The following ASAP2 variants were observed in gnomAD, a reference collection of about 807,000 sequenced individuals.
ASAP2 encodes arf-GAP with SH3 domain, ANK repeat and PH domain-containing protein 2.
A neutral mutation model predicts 131.4 loss-of-function variants in ASAP2; 45 were observed. The observed-to-expected ratio is 0.34, with a 90% CI of 0.27 to 0.44. The LOEUF (loss-of-function observed/expected upper bound fraction) is 0.44, where lower values mean the gene tolerates loss of function less well. ASAP2 is among the 20% of genes least tolerant of loss of function. The probability of loss-of-function intolerance (pLI) is 1.00; values close to 1 mark genes in which losing one functional copy is unlikely to be tolerated. For missense variants in ASAP2, 1,011 were observed against 1,297.0 expected, an observed-to-expected ratio of 0.78 and a Z score of 3.39; for synonymous variants, 510 against 503.0, an observed-to-expected ratio of 1.01 and a Z score of -0.19.
At chr2:9,237,320 C>T (rs932334323) in intron 1 of ASAP2, among the ~76,000 whole-genome samples, 1 of 151,806 alleles carries the variant, frequency 6.6e-6, no homozygotes, top group African/African-American at 2.4e-5. Flanking sequence ...TACATTGTGA[C>T]TTTTAGATGA....
intron 1 of ASAP2, among the ~76,000 whole-genome samples, chr2:9,270,377 C>T (rs1277577929): frequency 1.3e-5 from 2 of 152,004 alleles, no homozygotes; most frequent in South Asian, 2.1e-4. Context: ...TTTGCTTCCT[C>T]GAGACTCAAG....
At chr2:9,292,690 T>G (rs1667894753) in intron 2 of ASAP2, among the ~76,000 whole-genome samples, 1 of 152,216 alleles carries the variant, frequency 6.6e-6, no homozygotes, top group Non-Finnish European at 1.5e-5. Flanking sequence ...CCTTGCCATC[T>G]GAGTCCTCAG....
At position 9,388,213 on chromosome 2, in the gene ASAP2, T is replaced by A. The variant is rs967142319; in HGVS notation, c.2131-81T>A. The A allele has an allele frequency of 3.8e-6, 6 of 1,565,312 alleles. No individual in the cohort carries two copies. In the South Asian group the frequency reaches 7.0e-5, roughly 18 times the overall value. On this transcript the variant is annotated intron_variant, in intron 21 of 27. Coordinates refer to ENST00000281419, the MANE Select transcript of ASAP2 (RefSeq NM_003887.3). ...CCCAGCAGAGTTGGTGTCAGTGAGGTTTTCACCCCTGTGTTGAATGTTATC... is the reference window on the plus strand; with the variant it reads ...CCCAGCAGAGTTGGTGTCAGTGAGGATTTCACCCCTGTGTTGAATGTTATC...
intron 2 of ASAP2, among the ~76,000 whole-genome samples, chr2:9,292,573 T>C (rs781722299): frequency 5.9e-5 from 9 of 152,082 alleles, no homozygotes; most frequent in Non-Finnish European, 1.2e-4. Context: ...TGGGAACACA[T>C]AGGACTCCCT....
At chr2:9,260,246 C>T (rs917412153) in intron 1 of ASAP2, among the ~76,000 whole-genome samples, 1 of 152,206 alleles carries the variant, frequency 6.6e-6, no homozygotes, top group African/African-American at 2.4e-5. Flanking sequence ...AATGAAAGCT[C>T]ATGGTCTTCA....
At chr2:9,271,909 A>G (rs758066563) in intron 1 of ASAP2, among the ~76,000 whole-genome samples, 4 of 152,038 alleles carry the variant, frequency 2.6e-5, no homozygotes, top group Non-Finnish European at 5.9e-5. Flanking sequence ...TTATGGCTGA[A>G]TAGTACTCCA....
intron 1 of ASAP2, among the ~76,000 whole-genome samples, chr2:9,219,878 GAGTCCTTGGC>G (rs1662296870): frequency 6.6e-6 from 1 of 152,056 alleles, no homozygotes; most frequent in African/African-American, 2.4e-5. Context: ...ACCTGTACCC[GAGTCCTTGGC>G]AGTCACTCAT....
chr2:9,280,828 G>A (rs1165917810), intron 2 of ASAP2, among the ~76,000 whole-genome samples: 2 of 152,192 alleles, frequency 1.3e-5, no homozygotes, highest in Non-Finnish European at 2.9e-5. Context: ...AACACTTACT[G>A]TGTATCTTGT....
At chr2:9,333,133 G>T (rs1197145770) in intron 7 of ASAP2, among the ~76,000 whole-genome samples, 7 of 152,210 alleles carry the variant, frequency 4.6e-5, no homozygotes, top group Non-Finnish European at 1.0e-4. Flanking sequence ...GAGTTTAAAA[G>T]AAGTAAACAT....
intron 14 of ASAP2, among the ~76,000 whole-genome samples, chr2:9,357,613 A>C (rs898877745): frequency 1.3e-5 from 2 of 152,158 alleles, no homozygotes; most frequent in Non-Finnish European, 2.9e-5. Flanking sequence ...CGCTTTGATA[A>C]AGAACTCAAA....
At position 9,313,433 on chromosome 2, in the gene ASAP2, G is replaced by A. The variant is rs181613090; in HGVS notation, c.346-5091G>A. Among the ~76,000 whole-genome samples, 573 of 152,228 alleles carry A rather than the reference G, an allele frequency of 3.8e-3. 3 individuals carry two copies. Among genetic ancestry groups the A allele is most frequent in the African/African-American group, 0.013 (559 of 41,492 alleles). On this transcript the variant is annotated intron_variant, in intron 3 of 27. Transcript: ENST00000281419. ...CTCGTGTACATTCATGTTCATGTGT[G>A]TACTCCCGCTTCATGAAAAACCTAA...
At chr2:9,397,265 G>A (rs1676220097) in intron 24 of ASAP2, among the ~76,000 whole-genome samples, 1 of 152,228 alleles carries the variant, frequency 6.6e-6, no homozygotes, top group Non-Finnish European at 1.5e-5. Context: ...GCTCCCAGCA[G>A]TTATTGGGAC....
At chr2:9,250,797 G>A (rs1229206307) in intron 1 of ASAP2, among the ~76,000 whole-genome samples, 4 of 152,192 alleles carry the variant, frequency 2.6e-5, no homozygotes, top group Admixed American at 6.5e-5. Context: ...CTATACCTGC[G>A]GGGTCCTAGG....
At chr2:9,211,201 T>C (rs1458707232) in intron 1 of ASAP2, among the ~76,000 whole-genome samples, 1 of 151,590 alleles carries the variant, frequency 6.6e-6, no homozygotes, top group African/African-American at 2.4e-5. Flanking sequence ...GGTGAGAGCA[T>C]ACCTGTATTT....
In ASAP2 at chr2:9,398,416, C is replaced by T. The variant is rs187587109; in HGVS notation, c.2685-1607C>T. Among the ~76,000 whole-genome samples the T allele has an allele frequency of 1.7e-4, 26 of 152,166 alleles. No homozygotes were observed. The East Asian group carries it at 4.7e-3, about 27-fold the overall frequency. On this transcript the variant is annotated intron_variant, in intron 24 of 27. Coordinates refer to ENST00000281419, the MANE Select transcript of ASAP2 (RefSeq NM_003887.3). ...GTCCCAACTACTCAGGAGGCTGAAGCGGGAGGATCACTTGACCCCAGGAGT... is the reference window on the plus strand; with the variant it reads ...GTCCCAACTACTCAGGAGGCTGAAGTGGGAGGATCACTTGACCCCAGGAGT...
intron 1 of ASAP2, among the ~76,000 whole-genome samples, chr2:9,254,252 T>TAC (rs1177773963): frequency 9.3e-5 from 8 of 85,654 alleles, no homozygotes; most frequent in East Asian, 4.4e-4. Flanking sequence ...TATATATATA[T>TAC]ATACACGTGT....
At chr2:9,267,329 T>C (rs1413716130) in intron 1 of ASAP2, among the ~76,000 whole-genome samples, 1 of 152,110 alleles carries the variant, frequency 6.6e-6, no homozygotes, top group Admixed American at 6.6e-5. Flanking sequence ...CCAGTTTCTA[T>C]TGTTTGTTTC....
chr2:9,305,811 G>A (rs62121344), intron 3 of ASAP2, among the ~76,000 whole-genome samples: 5,700 of 85,806 alleles, frequency 0.066, 9 homozygotes, highest in Non-Finnish European at 0.085. Flanking sequence ...GAGTAGTGAC[G>A]TATAGATATT....
chr2:9,374,076 G>A (rs1427055896), intron 16 of ASAP2, among the ~76,000 whole-genome samples: 1 of 152,230 alleles, frequency 6.6e-6, no homozygotes, highest in South Asian at 2.1e-4. Flanking sequence ...AGCAGTGTGT[G>A]GTGGGAGTGG....
Sources: gnomAD v4.1 joint callset for allele counts (sites outside exome capture counted in the v4.1 genomes callset) on GRCh38, gnomAD v4.1.1 for gene constraint, MANE v1.5 for transcripts, NCBI Gene and HGNC (gene_info 2026-07-23, HGNC 2026-07-21) for gene names.